The following ZNF791 variants were observed in gnomAD, a reference collection of about 807,000 sequenced individuals.
ZNF791 encodes zinc finger protein 791.
ZNF791 carries 4 observed loss-of-function variants against 11.5 expected under a neutral mutation model. The observed-to-expected ratio is 0.35, with a 90% confidence interval of 0.17 to 0.80. The LOEUF is 0.80. ZNF791 is among the 30% of genes least tolerant of loss of function. The pLI is 0.53. For synonymous variants in ZNF791, 212 were observed against 228.1 expected, an observed-to-expected ratio of 0.93 and a Z score of 0.64; for missense variants, 559 against 699.4, an observed-to-expected ratio of 0.80 and a Z score of 2.26.
intron 1 of ZNF791, among the ~76,000 whole-genome samples, chr19:12,617,681 C>T (rs11673028): frequency 6.6e-6 from 1 of 150,848 alleles, no homozygotes; most frequent in Non-Finnish European, 1.5e-5. Context: ...TTGGATGAAG[C>T]ATTCATGGAT....
rs758262770 is a variant in ZNF791, at chr19:12,611,056, C to T, written c.-24C>T. 4 of 1,614,182 alleles carry T rather than the reference C, an allele frequency of 2.5e-6. No homozygotes were observed. In the Admixed American group the frequency reaches 6.7e-5, roughly 27 times the overall value. The stretch of plus-strand genomic sequence containing the variant: ...GGCTCCGTGAACCTTAGGGACAACA[C>T]CGGGACACCCGCGAGGCCGGAAAAT... On this transcript the variant is annotated 5_prime_UTR_variant, in exon 1 of 4. Coordinates refer to ENST00000343325, the MANE Select transcript of ZNF791 (RefSeq NM_153358.3).
rs1330371750 is a variant in ZNF791, at chr19:12,628,877, A to G, written c.1348A>G (p.Ile450Val). Reference sequence around the variant, plus strand: ...ATGTAGGGACTGTGGGAAGGTGTTCATTTTTCCTAGTGCGTTACGAACACA... The same window carrying G: ...ATGTAGGGACTGTGGGAAGGTGTTCGTTTTTCCTAGTGCGTTACGAACACA... ...YKCRDCGKVF[I>V]FPSALRTHER... The change falls in exon 4 of 4, where the codon ATT becomes GTT. Residue 450 changes from isoleucine to valine, a missense_variant. By Grantham distance (29) the Ile-to-Val change is conservative. Transcript: ENST00000343325. The G allele has an allele frequency of 1.2e-6, 2 of 1,613,526 alleles. No homozygotes were observed. Among genetic ancestry groups the G allele is most frequent in the Admixed American group, 1.7e-5 (1 of 59,886 alleles).
intron 1 of ZNF791, among the ~76,000 whole-genome samples, chr19:12,618,444 G>A (rs1257283004): frequency 1.3e-5 from 2 of 151,972 alleles, no homozygotes; most frequent in African/African-American, 2.4e-5. Flanking sequence ...CCGGGAAGTC[G>A]AGGCTGCTGT....
chr19:12,618,808 AGTGTGTGTGTGTGT>A (rs60468264), intron 1 of ZNF791, among the ~76,000 whole-genome samples: 9,602 of 143,692 alleles, frequency 0.067, 376 homozygotes, highest in Non-Finnish European at 0.092. Context: ...TTTACCTCTC[AGTGTGTGTGTGTGT>A]GTGTGTGTGT....
chr19:12,628,313 C>CACATG lies in ZNF791; in HGVS notation c.786_790dup (p.Ile264ThrfsTer2). On this transcript the variant is annotated frameshift_variant, in exon 4 of 4. Coordinates refer to ENST00000343325, the MANE Select transcript of ZNF791 (RefSeq NM_153358.3). LOFTEE classifies it low-confidence loss of function (END_TRUNC). ...CATTTCCCACACAAGTGTTCTAACA[C>CACATG]ACATGATAACACACAACGGAGATAG... The CACATG allele has an allele frequency of 6.2e-7, 1 of 1,613,604 alleles. No homozygotes were observed. Among genetic ancestry groups the CACATG allele is most frequent in the Non-Finnish European group, 8.5e-7 (1 of 1,179,760 alleles).
Position 12,627,831 on chromosome 19 carries a change from A to G in ZNF791, c.302A>G (p.Glu101Gly). The G allele has an allele frequency of 1.9e-6, 3 of 1,614,112 alleles. 1 individual carries two copies. The South Asian group carries it at 3.3e-5, about 18-fold the overall frequency. Residue 101 changes from glutamate (E) to glycine (G), a missense_variant, in exon 4 of 4, where the codon GAG (glutamate) becomes GGG (glycine). Glu to Gly is a moderately conservative substitution (Grantham distance 98, BLOSUM62 -2). Coordinates refer to ENST00000343325, the MANE Select transcript of ZNF791 (RefSeq NM_153358.3). ...TKKTAGVKPY[E>G]CTICGKAFMR... ...AAGACTGCCGGAGTAAAACCATATG[A>G]GTGTACTATCTGTGGAAAAGCCTTC...
intron 1 of ZNF791, among the ~76,000 whole-genome samples, chr19:12,621,830 C>G (rs1471898481): frequency 2.1e-5 from 3 of 139,918 alleles, no homozygotes; most frequent in Admixed American, 7.1e-5. Flanking sequence ...CGCCTCTGCC[C>G]GGCCACCACC....
chr19:12,622,390 T>TA (rs372867409), intron 1 of ZNF791, among the ~76,000 whole-genome samples: 66,846 of 105,404 alleles, frequency 0.63, 19,059 homozygotes, highest in African/African-American at 0.67. Context: ...AAAAAAATAA[T>TA]AAAAAAAAGA....
chr19:12,630,699 G>C lies in ZNF791; in HGVS notation c.*1439G>C, dbSNP rs2023492626. On this transcript the variant is annotated 3_prime_UTR_variant, in exon 4 of 4. Coordinates refer to ENST00000343325, the MANE Select transcript of ZNF791 (RefSeq NM_153358.3). ...GGCGGGACAAAACATGGAGGCAGAA[G>C]ACAATGATATTGATGATCCTCACCC... is the stretch of plus-strand genomic sequence containing the variant. 6.6e-6 allele frequency: 1 copy of C among 152,072 alleles called. No individual in the cohort carries two copies. The highest frequency in any genetic ancestry group is 2.1e-4 in the South Asian group (1 of 4,832). 9.4% of individuals were successfully genotyped at this position (152,072 alleles called of 1,614,324 possible).
chr19:12,613,028 G>A (rs2023185423), intron 1 of ZNF791, among the ~76,000 whole-genome samples: 2 of 151,822 alleles, frequency 1.3e-5, no homozygotes, highest in African/African-American at 4.8e-5. Flanking sequence ...TGTAAGGTAG[G>A]TACACTGAGT....
intron 1 of ZNF791, among the ~76,000 whole-genome samples, chr19:12,615,139 C>G (rs2145179091): frequency 1.3e-5 from 2 of 149,074 alleles, no homozygotes; most frequent in Middle Eastern, 3.4e-3. Context: ...CCTGCCTCCT[C>G]TGAGTAGCTG....
chr19:12,627,487 G>A (rs755527613), intron 3 of ZNF791, among the ~76,000 whole-genome samples: 78 of 152,104 alleles, frequency 5.1e-4, no homozygotes, highest in Admixed American at 1.0e-3. Context: ...TTAGCTGGGC[G>A]TGGTGGCGCA....
intron 3 of ZNF791, among the ~76,000 whole-genome samples, chr19:12,625,113 T>G (rs1369229470): frequency 6.6e-6 from 1 of 151,200 alleles, no homozygotes; most frequent in African/African-American, 2.4e-5. Context: ...AATTTATTTA[T>G]TTATTTGTTT....
Position 12,623,797 on chromosome 19 carries a change from A to T in ZNF791, c.101A>T (p.Gln34Leu), listed in dbSNP as rs1198782906. 1 of 1,578,354 alleles carries T rather than the reference A, an allele frequency of 6.3e-7. No homozygotes were observed. Among genetic ancestry groups the T allele is most frequent in the Non-Finnish European group, 8.6e-7 (1 of 1,157,716 alleles). Residue 34 changes from glutamine (Q) to leucine (L), a missense_variant, in exon 2 of 4, where the codon CAG (glutamine) becomes CTG (leucine). Physicochemically the swap from Gln to Leu is moderately radical, Grantham distance 113. Coordinates refer to ENST00000343325, the MANE Select transcript of ZNF791 (RefSeq NM_153358.3). Reference sequence around the variant, plus strand: ...AAGAAACTCTACAGAGATGTGATGCAGGAAACATTCAAGAACCTGGCATCT... The same window carrying T: ...AAGAAACTCTACAGAGATGTGATGCTGGAAACATTCAAGAACCTGGCATCT... ...SQKKLYRDVM[Q>L]ETFKNLASIG...
chr19:12,617,124 C>CTTTTTTT (rs2023255042), intron 1 of ZNF791, among the ~76,000 whole-genome samples: 1 of 146,404 alleles, frequency 6.8e-6, no homozygotes, highest in African/African-American at 2.5e-5. Context: ...TTTCTTTTTT[C>CTTTTTTT]TTCTTTTTTT....
intron 1 of ZNF791, among the ~76,000 whole-genome samples, chr19:12,618,179 AG>A (rs1599321893): frequency 6.6e-6 from 1 of 152,128 alleles, no homozygotes; most frequent in East Asian, 1.9e-4. Flanking sequence ...TGGCTTTGCA[AG>A]GTGCTGGGAT....
Position 12,631,771 on chromosome 19 carries a change from C to T in ZNF791, c.*2511C>T, listed in dbSNP as rs947797157. The T allele has an allele frequency of 2.0e-5, 3 of 152,116 alleles. No individual in the cohort carries two copies. The highest frequency in any genetic ancestry group is 4.4e-5 in the Non-Finnish European group (3 of 68,020). The allele number at this position is 152,116 out of a possible 1,614,324, so 9.4% of individuals were successfully genotyped here. A position where few individuals can be genotyped will look rare whatever the true frequency, so the allele number is the denominator to read the frequency against. On this transcript the variant is annotated 3_prime_UTR_variant, in exon 4 of 4. Transcript: ENST00000343325. ...AGTTAAAAATTTTTTATCACTGGCTCATTCTTCAAGTACATCTCTGGACTA... is the reference window on the plus strand; with the variant it reads ...AGTTAAAAATTTTTTATCACTGGCTTATTCTTCAAGTACATCTCTGGACTA...
Position 12,624,694 on chromosome 19 carries a change from C to T in ZNF791, c.175C>T (p.Gln59Ter). The T allele has an allele frequency of 3.1e-6, 5 of 1,606,984 alleles. No individual in the cohort carries two copies. The highest frequency in any genetic ancestry group is 4.3e-6 in the Non-Finnish European group (5 of 1,176,274). The change falls in exon 3 of 4, where the codon CAA becomes TAA. Residue 59 changes from glutamine to a stop codon, truncating the protein, a stop_gained. Transcript: ENST00000343325. LOFTEE classifies it low-confidence loss of function (END_TRUNC). Reference protein sequence around the residue: ...DPNVEDQHKNQGRNLRSHTGE... With the variant: ...DPNVEDQHKN ...GAATGTTGAAGATCAACACAAAAACCAAGGACGAAATCTAAGGTGAGTTGC... is the reference window on the plus strand; with the variant it reads ...GAATGTTGAAGATCAACACAAAAACTAAGGACGAAATCTAAGGTGAGTTGC...
rs2023401976 is a variant in ZNF791, at chr19:12,624,728, G to A, written c.191+18G>A. 1 of 1,588,708 alleles carries A rather than the reference G, an allele frequency of 6.3e-7. No individual in the cohort carries two copies. The highest frequency in any genetic ancestry group is 1.7e-5 in the Admixed American group (1 of 58,102). On this transcript the variant is annotated intron_variant, in intron 3 of 3. Transcript: ENST00000343325. ...AATCTAAGGTGAGTTGCACTCACAA[G>A]AAGTAACAGTGTTCCTTGAAAGAAT...
Sources: gnomAD v4.1 joint callset for allele counts (sites outside exome capture counted in the v4.1 genomes callset) on GRCh38, gnomAD v4.1.1 for gene constraint, MANE v1.5 for transcripts, NCBI Gene and HGNC (gene_info 2026-07-23, HGNC 2026-07-21) for gene names.